SLC24A2: variants seen among roughly 807,000 people sequenced by gnomAD.
The protein encoded by SLC24A2 is sodium/potassium/calcium exchanger 2.
In SLC24A2, 36 loss-of-function variants were observed where a neutral mutation model predicts 62.0. The observed-to-expected ratio is 0.58, with a 90% CI of 0.44 to 0.77. The LOEUF (loss-of-function observed/expected upper bound fraction) is 0.77. SLC24A2 is among the 30% of genes least tolerant of loss of function. The pLI, the probability that SLC24A2 is intolerant of heterozygous loss-of-function variation, is 0.00. For missense variants in SLC24A2, 846 were observed against 817.9 expected (o/e 1.03, Z -0.42); for synonymous variants, 358 against 294.0 (o/e 1.22, Z -2.23).
chr9:19,551,063 G>C (rs1834818604), intron 7 of SLC24A2, among the ~76,000 whole-genome samples: 2 of 152,048 alleles, frequency 1.3e-5, no homozygotes, highest in African/African-American at 4.8e-5. Context: ...AGGAACATTA[G>C]GACTGATTTC....
In SLC24A2 at chr9:19,520,862, G is replaced by C. The variant is rs755047290; in HGVS notation, c.1736+32C>G. The C allele has an allele frequency of 2.5e-6, 4 of 1,608,492 alleles. No homozygotes were observed. In the East Asian group the frequency reaches 6.7e-5, roughly 27 times the overall value. On this transcript the variant is annotated intron_variant, in intron 10 of 10. Transcript: ENST00000341998. Reference sequence around the variant, plus strand: ...GAAGACAAAGACACTGGTGGAGCTGGTGCACACCTTTGTAGAACTACCTCT... The same window carrying C: ...GAAGACAAAGACACTGGTGGAGCTGCTGCACACCTTTGTAGAACTACCTCT...
At chr9:19,694,224 A>C (rs1167126936) in intron 2 of SLC24A2, among the ~76,000 whole-genome samples, 1 of 152,168 alleles carries the variant, frequency 6.6e-6, no homozygotes, top group Non-Finnish European at 1.5e-5. Flanking sequence ...GGGTAAAGAT[A>C]TCATAATATT....
At chr9:19,759,812 G>C (rs1822262591) in intron 2 of SLC24A2, among the ~76,000 whole-genome samples, 1 of 152,016 alleles carries the variant, frequency 6.6e-6, no homozygotes, top group African/African-American at 2.4e-5. Flanking sequence ...CCATATACTG[G>C]CATAAATAGG....
chr9:19,963,612 GA>G, the SLC24A2 span, among the ~76,000 whole-genome samples: 1 of 152,156 alleles, frequency 6.6e-6, no homozygotes, highest in Non-Finnish European at 1.5e-5. Flanking sequence ...AAAAACACAT[GA>G]AAAAATGCTC....
the SLC24A2 span, among the ~76,000 whole-genome samples, chr9:20,169,448 C>T: frequency 6.6e-6 from 1 of 151,978 alleles, no homozygotes; most frequent in Non-Finnish European, 1.5e-5. Flanking sequence ...ACCCAGGAGA[C>T]ACCTCAAATA....
chr9:20,098,333 G>C, the SLC24A2 span, among the ~76,000 whole-genome samples: 1 of 152,192 alleles, frequency 6.6e-6, no homozygotes, highest in South Asian at 2.1e-4. Context: ...GGGAGGTCTA[G>C]AACTTTTGTT....
chr9:20,026,257 C>T, the SLC24A2 span, among the ~76,000 whole-genome samples: 2 of 152,124 alleles, frequency 1.3e-5, no homozygotes, highest in Non-Finnish European at 2.9e-5. Flanking sequence ...ATAGCACAGG[C>T]CCCATTTAAA....
the SLC24A2 span, among the ~76,000 whole-genome samples, chr9:19,856,340 C>T: frequency 7.9e-5 from 12 of 152,062 alleles, no homozygotes; most frequent in East Asian, 1.9e-4. Flanking sequence ...AGAGGAGTTA[C>T]GATCATTTGG....
rs762488331 is a variant in SLC24A2 at position 19,520,852 on chromosome 9, G to T, written c.1736+42C>A. 6.9e-6 allele frequency: 11 copies of T among 1,593,560 alleles called. No individual in the cohort carries two copies. In the South Asian group the frequency reaches 1.0e-4, roughly 14 times the overall value. Reference sequence around the variant, plus strand: ...CAGCTTCTAAGAAGACAAAGACACTGGTGGAGCTGGTGCACACCTTTGTAG... The same window carrying T: ...CAGCTTCTAAGAAGACAAAGACACTTGTGGAGCTGGTGCACACCTTTGTAG... On this transcript the variant is annotated intron_variant, in intron 10 of 10. Transcript: ENST00000341998.
chr9:20,070,397 C>T, the SLC24A2 span, among the ~76,000 whole-genome samples: 1 of 152,176 alleles, frequency 6.6e-6, no homozygotes, highest in Non-Finnish European at 1.5e-5. Context: ...ATTTATTACT[C>T]TTATCATTGT....
chr9:19,747,996 G>A (rs148562835), intron 2 of SLC24A2, among the ~76,000 whole-genome samples: 6 of 152,292 alleles, frequency 3.9e-5, no homozygotes, highest in African/African-American at 1.4e-4. Context: ...TCCTGCTCCT[G>A]AGTGTGTGCT....
chr9:20,169,617 C>G, the SLC24A2 span, among the ~76,000 whole-genome samples: 1 of 151,966 alleles, frequency 6.6e-6, no homozygotes, highest in African/African-American at 2.4e-5. Flanking sequence ...GAAGCCACAT[C>G]CCTAGGAAAA....
the SLC24A2 span, among the ~76,000 whole-genome samples, chr9:19,932,573 G>C: frequency 6.6e-6 from 1 of 152,074 alleles, no homozygotes; most frequent in African/African-American, 2.4e-5. Flanking sequence ...TTATTGTATG[G>C]GTGACTCACG....
At chr9:20,096,079 C>T in the SLC24A2 span, among the ~76,000 whole-genome samples, 2 of 142,238 alleles carry the variant, frequency 1.4e-5, no homozygotes, top group African/African-American at 6.0e-5. Context: ...ATCCATCCAT[C>T]CATCCATCCG....
chr9:19,702,613 G>A (rs960726405), intron 2 of SLC24A2, among the ~76,000 whole-genome samples: 12 of 152,148 alleles, frequency 7.9e-5, no homozygotes, highest in Non-Finnish European at 1.5e-5. Flanking sequence ...AATAACAACT[G>A]ATGTCTGCGT....
At chr9:19,661,015 G>C (rs978880794) in intron 2 of SLC24A2, among the ~76,000 whole-genome samples, 1 of 152,152 alleles carries the variant, frequency 6.6e-6, no homozygotes, top group Admixed American at 6.5e-5. Flanking sequence ...TAGTACACCA[G>C]AGCCTGCCAG....
chr9:19,679,424 A>T (rs556308328), intron 2 of SLC24A2, among the ~76,000 whole-genome samples: 29 of 152,268 alleles, frequency 1.9e-4, no homozygotes, highest in African/African-American at 6.7e-4. Context: ...CAATCATAAT[A>T]AATCATGATG....
the SLC24A2 span, among the ~76,000 whole-genome samples, chr9:20,233,109 G>T: frequency 3.9e-5 from 6 of 152,082 alleles, no homozygotes; most frequent in Admixed American, 6.5e-5. Context: ...TATAATTTCT[G>T]TTCTTTTACA....
At chr9:19,519,226 A>T (rs1833076652) in intron 10 of SLC24A2, among the ~76,000 whole-genome samples, 1 of 152,226 alleles carries the variant, frequency 6.6e-6, no homozygotes, top group South Asian at 2.1e-4. Flanking sequence ...AAAGCCTTCC[A>T]AGTAGATAAA....
Sources: allele counts gnomAD v4.1 joint callset (sites outside exome capture counted in the v4.1 genomes callset), GRCh38; gene constraint gnomAD v4.1.1; transcripts MANE v1.5; gene names NCBI Gene and HGNC (gene_info 2026-07-23, HGNC 2026-07-21).